The following TNKS2 variants were observed in gnomAD, a reference collection of about 807,000 sequenced individuals.
The protein encoded by TNKS2 is poly [ADP-ribose] polymerase tankyrase-2.
A neutral mutation model predicts 137.6 loss-of-function variants in TNKS2; 72 were observed. The ratio of observed to expected loss-of-function variants is 0.52; its 90% CI spans 0.43 to 0.64. The LOEUF (loss-of-function observed/expected upper bound fraction) is 0.64, where lower values mean the gene tolerates loss of function less well. Among genes scored for constraint, TNKS2 ranks in the 30% least tolerant of loss-of-function variants. The pLI, the probability that TNKS2 is intolerant of heterozygous loss-of-function variation, is 0.00. For synonymous variants in TNKS2, 516 were observed against 512.1 expected (o/e 1.01, Z -0.10); for missense variants, 1,049 against 1,410.2 (o/e 0.74, Z 4.10).
At chr10:91,838,036 ATTTTTTTTTTT>A (rs71025367) in intron 13 of TNKS2, among the ~76,000 whole-genome samples, 3 of 51,234 alleles carry the variant, frequency 5.9e-5, no homozygotes, top group East Asian at 8.2e-4. Flanking sequence ...CAATTAGCTG[ATTTTTTTTTTT>A]TTTTTTTTTT....
chr10:91,863,212 C>G lies in TNKS2; in HGVS notation c.*213C>G, dbSNP rs1296102108. 6.7e-6 allele frequency: 3 copies of G among 444,826 alleles called. No homozygotes were observed. Among genetic ancestry groups the G allele is most frequent in the Non-Finnish European group, 1.2e-5 (3 of 248,694 alleles). 27.6% of individuals were successfully genotyped at this position (444,826 alleles called of 1,614,324 possible). On this transcript the variant is annotated 3_prime_UTR_variant, in exon 27 of 27. Transcript: ENST00000371627. ...ATTTCCTGTTTTTTCAGCACTTTAA[C>G]AGATGCCATTCCAGGTTAAACTGGG... is the stretch of plus-strand genomic sequence containing the variant.
rs1842448282 is a variant in TNKS2, at chr10:91,848,448, G to A, written c.2424G>A (p.Lys808=). Residue 808 remains lysine, a synonymous_variant, in exon 19 of 27, where the codon AAG becomes AAA. Coordinates refer to ENST00000371627, the MANE Select transcript of TNKS2 (RefSeq NM_025235.4). ...MPPSALPSCY[K]PQVLNGVRSP... ...CATCTGCTCTGCCCTCTTGTTACAA[G>A]CCTCAAGTGCTCAATGGTGTGAGAA... is the stretch of plus-strand genomic sequence containing the variant. 6.2e-7 allele frequency: 1 copy of A among 1,614,052 alleles called. No homozygotes were observed. Among genetic ancestry groups the A allele is most frequent in the East Asian group, 2.2e-5 (1 of 44,900 alleles).
chr10:91,847,596 G>A (rs921677843), intron 18 of TNKS2, among the ~76,000 whole-genome samples: 7 of 152,094 alleles, frequency 4.6e-5, no homozygotes, highest in African/African-American at 1.7e-4. Flanking sequence ...TCAAGTGATC[G>A]ACCCACCTCG....
intron 1 of TNKS2, among the ~76,000 whole-genome samples, chr10:91,806,248 C>T (rs189897268): frequency 6.6e-6 from 1 of 152,082 alleles, no homozygotes; most frequent in African/African-American, 2.4e-5. Flanking sequence ...ATTTAGGATA[C>T]AAATATAATT....
At chr10:91,804,713 A>AT (rs1289114141) in intron 1 of TNKS2, among the ~76,000 whole-genome samples, 1 of 152,112 alleles carries the variant, frequency 6.6e-6, no homozygotes, top group African/African-American at 2.4e-5. Context: ...AACAATAGAG[A>AT]TTTTATCAAG....
At chr10:91,818,469 T>G (rs1844781151) in intron 3 of TNKS2, among the ~76,000 whole-genome samples, 1 of 152,194 alleles carries the variant, frequency 6.6e-6, no homozygotes, top group African/African-American at 2.4e-5. Context: ...CTTTTGTCAT[T>G]TCTATAATGT....
intron 7 of TNKS2, 64 bp downstream of exon 7, chr10:91,822,426 A>G (rs571122588): frequency 2.5e-5 from 33 of 1,299,220 alleles, no homozygotes; most frequent in Non-Finnish European, 3.5e-5. Context: ...GAAATACATT[A>G]GTATGTCTGG....
intron 18 of TNKS2, among the ~76,000 whole-genome samples, chr10:91,846,878 T>TA (rs1211436666): frequency 6.6e-6 from 1 of 152,174 alleles, no homozygotes; most frequent in Non-Finnish European, 1.5e-5. Flanking sequence ...ACAATTAAGT[T>TA]ACAATGAAGC....
At position 91,841,285 on chromosome 10, in the gene TNKS2, G is replaced by A; in HGVS notation, c.1676G>A (p.Gly559Asp). The A allele has an allele frequency of 6.5e-7, 1 of 1,536,654 alleles. No individual in the cohort carries two copies. Among genetic ancestry groups the A allele is most frequent in the African/African-American group, 1.4e-5 (1 of 71,530 alleles). Residue 559 changes from glycine (G) to aspartate (D), a missense_variant and splice_region_variant, in exon 15 of 27, where the codon GGC becomes GAC. Gly to Asp is a moderately conservative substitution (Grantham distance 94, BLOSUM62 -1). Coordinates refer to ENST00000371627, the MANE Select transcript of TNKS2 (RefSeq NM_025235.4). ...GADVHAKDKG[G>D]LVPLHNACSY... is the part of the protein sequence containing the mutation. The stretch of plus-strand genomic sequence containing the variant: ...ATTGTTCATTTATTACTTTTCAGAG[G>A]CCTTGTACCTTTGCACAATGCATGT...
intron 21 of TNKS2, among the ~76,000 whole-genome samples, chr10:91,853,721 C>T (rs1210838433): frequency 6.6e-6 from 1 of 152,234 alleles, no homozygotes; most frequent in Non-Finnish European, 1.5e-5. Flanking sequence ...ATATGCTCTT[C>T]ATAATCCTTA....
In TNKS2 at chr10:91,831,025, A is replaced by G. The variant is rs748440033; in HGVS notation, c.1196+11A>G. On this transcript the variant is annotated intron_variant, in intron 10 of 26. Transcript: ENST00000371627. The stretch of plus-strand genomic sequence containing the variant: ...TGAAAAGACTAAAGAGTAAGTATAC[A>G]TTTAATGATTAAATATCATTGAGAT... The G allele has an allele frequency of 1.2e-6, 2 of 1,611,660 alleles. No homozygotes were observed. The highest frequency in any genetic ancestry group is 1.3e-5 in the African/African-American group (1 of 74,866).
intron 12 of TNKS2, among the ~76,000 whole-genome samples, chr10:91,836,380 G>T (rs1181041642): frequency 6.6e-6 from 1 of 151,774 alleles, no homozygotes; most frequent in Non-Finnish European, 1.5e-5. Context: ...TTGTTCTAAG[G>T]TGCAAGGTAG....
rs769465666 is a variant in TNKS2, at chr10:91,851,337, G to T, written c.2815+1G>T. 1.2e-6 allele frequency: 2 copies of T among 1,609,062 alleles called. No individual in the cohort carries two copies. The highest frequency in any genetic ancestry group is 1.7e-6 in the Non-Finnish European group (2 of 1,178,796). ...GAGAGACTTATCTCCGGACAACAAG[G>T]TATTTTATTTTAATAATTGCTGTTG... On this transcript the variant is annotated splice_donor_variant, in intron 21 of 26. Coordinates refer to ENST00000371627, the MANE Select transcript of TNKS2 (RefSeq NM_025235.4). LOFTEE classifies it high-confidence loss of function.
chr10:91,842,826 C>T (rs1436315933), intron 16 of TNKS2, among the ~76,000 whole-genome samples: 1 of 152,120 alleles, frequency 6.6e-6, no homozygotes, highest in East Asian at 1.9e-4. Flanking sequence ...CCATTATACT[C>T]TTCAGTGTAT....
intron 23 of TNKS2, among the ~76,000 whole-genome samples, chr10:91,856,995 G>A (rs1267380323): frequency 6.6e-6 from 1 of 151,984 alleles, no homozygotes; most frequent in Admixed American, 6.6e-5. Context: ...TTGAGGGGTG[G>A]GGGACGCTAT....
At chr10:91,839,982 G>T (rs1175946947) in intron 13 of TNKS2, among the ~76,000 whole-genome samples, 1 of 151,876 alleles carries the variant, frequency 6.6e-6, no homozygotes, top group Admixed American at 6.6e-5. Context: ...TAGTTTACCT[G>T]TATATATATA....
chr10:91,833,821 G>T, intron 11 of TNKS2, 32 bp from the exon 12 acceptor site: 1 of 1,511,206 alleles, frequency 6.6e-7, no homozygotes. Context: ...TTTGCATTGC[G>T]GGCTAATTTC....
At chr10:91,850,990 A>C (rs1390898176) in intron 20 of TNKS2, among the ~76,000 whole-genome samples, 1 of 152,246 alleles carries the variant, frequency 6.6e-6, no homozygotes, top group African/African-American at 2.4e-5. Flanking sequence ...GAAAAGTATT[A>C]TGGAAAAGAT....
At chr10:91,818,477 T>G (rs1844781476) in intron 3 of TNKS2, among the ~76,000 whole-genome samples, 1 of 152,160 alleles carries the variant, frequency 6.6e-6, no homozygotes, top group East Asian at 1.9e-4. Flanking sequence ...ATTTCTATAA[T>G]GTTGGTATAT....
Sources: allele counts gnomAD v4.1 joint callset (sites outside exome capture counted in the v4.1 genomes callset), GRCh38; gene constraint gnomAD v4.1.1; transcripts MANE v1.5; gene names NCBI Gene and HGNC (gene_info 2026-07-23, HGNC 2026-07-21).